FBXW10B: variants seen among roughly 807,000 people sequenced by gnomAD.
The protein encoded by FBXW10B is F-box and WD repeat domain containing protein 10B.
At chr17:15,590,576 C>G in the FBXW10B span, among the ~76,000 whole-genome samples, 13 of 149,064 alleles carry the variant, frequency 8.7e-5, no homozygotes, top group Non-Finnish European at 1.9e-4. Context: ...CTGCACACCA[C>G]CAGCCCTCCT....
the FBXW10B span, chr17:15,614,037 G>A: frequency 6.2e-7 from 1 of 1,610,086 alleles, no homozygotes; most frequent in Non-Finnish European, 8.5e-7. Context: ...GGTTCCTCTA[G>A]AGTGAAGCCG....
chr17:15,586,714 C>T, the FBXW10B span, among the ~76,000 whole-genome samples: 1 of 151,394 alleles, frequency 6.6e-6, no homozygotes, highest in Non-Finnish European at 1.5e-5. Flanking sequence ...TCCACTCCAT[C>T]AGGATGCTTG....
chr17:15,594,219 TC>T, the FBXW10B span, among the ~76,000 whole-genome samples: 1 of 151,964 alleles, frequency 6.6e-6, no homozygotes, highest in African/African-American at 2.4e-5. Flanking sequence ...ACGCCTGTAA[TC>T]CCAGCACTTT....
the FBXW10B span, chr17:15,574,217 T>C: frequency 1.4e-6 from 1 of 693,392 alleles, no homozygotes; most frequent in Non-Finnish European, 2.6e-6. Context: ...AAAAAGAAAA[T>C]ACCAACTCCA....
the FBXW10B span, among the ~76,000 whole-genome samples, chr17:15,611,766 T>TGGG: frequency 9.2e-5 from 14 of 151,924 alleles, no homozygotes; most frequent in Non-Finnish European, 1.5e-4. Flanking sequence ...TTTAAGCAGG[T>TGGG]GGGGGGGCGC....
At chr17:15,618,551 T>C in the FBXW10B span, among the ~76,000 whole-genome samples, 4 of 131,540 alleles carry the variant, frequency 3.0e-5, no homozygotes, top group South Asian at 5.9e-4. Flanking sequence ...CATGGTAGAG[T>C]GAATGAAAAA....
chr17:15,610,320 A>G, the FBXW10B span, among the ~76,000 whole-genome samples: 579 of 152,296 alleles, frequency 3.8e-3, 1 homozygote, highest in African/African-American at 0.013. Context: ...TTAAGGATTC[A>G]GGGTGGGAGA....
the FBXW10B span, among the ~76,000 whole-genome samples, chr17:15,618,325 C>CA: frequency 1.5e-4 from 22 of 145,762 alleles, no homozygotes; most frequent in South Asian, 2.2e-4. Context: ...GACTCCATCT[C>CA]AAAAAAAAAA....
At chr17:15,619,212 C>T in the FBXW10B span, 2 of 1,614,032 alleles carry the variant, frequency 1.2e-6, no homozygotes, top group Non-Finnish European at 1.7e-6. Flanking sequence ...GACTTCACAA[C>T]TTTCCCCTCT....
At chr17:15,607,701 G>T in the FBXW10B span, 1 of 1,606,508 alleles carries the variant, frequency 6.2e-7, no homozygotes, top group African/African-American at 1.3e-5. Context: ...GGGAATATTT[G>T]AAGTTAAAGC....
At chr17:15,570,228 G>A in the FBXW10B span, among the ~76,000 whole-genome samples, 2 of 152,198 alleles carry the variant, frequency 1.3e-5, no homozygotes, top group Non-Finnish European at 2.9e-5. Flanking sequence ...CTGCTGTCAA[G>A]GCGATGAGAA....
the FBXW10B span, among the ~76,000 whole-genome samples, chr17:15,601,824 A>C: frequency 2.0e-5 from 3 of 152,082 alleles, no homozygotes; most frequent in Admixed American, 6.6e-5. Context: ...ATAAAAAAGA[A>C]AAGTGAGGCC....
chr17:15,596,438 G>C, the FBXW10B span: 2 of 1,343,878 alleles, frequency 1.5e-6, no homozygotes, highest in Non-Finnish European at 2.0e-6. Flanking sequence ...AGGATGACCT[G>C]AGGAGCTAGG....
chr17:15,596,122 A>G, the FBXW10B span, among the ~76,000 whole-genome samples: 1 of 151,922 alleles, frequency 6.6e-6, no homozygotes, highest in African/African-American at 2.4e-5. Context: ...TCCTGACCTC[A>G]TGATCCGCCT....
chr17:15,580,063 A>G, the FBXW10B span, among the ~76,000 whole-genome samples: 3 of 151,190 alleles, frequency 2.0e-5, no homozygotes, highest in Non-Finnish European at 4.4e-5. Flanking sequence ...AAGACATCTT[A>G]ATTTAAAATG....
chr17:15,613,204 G>A, the FBXW10B span, among the ~76,000 whole-genome samples: 3 of 151,412 alleles, frequency 2.0e-5, no homozygotes, highest in East Asian at 3.9e-4. Flanking sequence ...GACTGCCATT[G>A]GGGAAAATTT....
the FBXW10B span, among the ~76,000 whole-genome samples, chr17:15,587,362 C>A: frequency 3.3e-5 from 5 of 151,670 alleles, no homozygotes; most frequent in Non-Finnish European, 1.5e-5. Flanking sequence ...TCTTCTGTCA[C>A]AGGCACCTTG....
chr17:15,582,967 C>T, the FBXW10B span, among the ~76,000 whole-genome samples: 1 of 116,566 alleles, frequency 8.6e-6, no homozygotes, highest in Non-Finnish European at 1.8e-5. Context: ...GATTCTTCTT[C>T]CTTTAAAATG....
At chr17:15,569,239 AATTTAC>A in the FBXW10B span, among the ~76,000 whole-genome samples, 4 of 152,012 alleles carry the variant, frequency 2.6e-5, no homozygotes, top group African/African-American at 9.7e-5. Flanking sequence ...AGGCTATACT[AATTTAC>A]ATGCCCCGTC....
Sources: gnomAD v4.1 joint callset for allele counts (sites outside exome capture counted in the v4.1 genomes callset) on GRCh38, gnomAD v4.1.1 for gene constraint, MANE v1.5 for transcripts, NCBI Gene and HGNC (gene_info 2026-07-23, HGNC 2026-07-21) for gene names.